Variants in C3orf22 observed in about 807,000 individuals in gnomAD.
C3orf22 encodes chromosome 3 open reading frame 22.
A neutral mutation model predicts 10.8 loss-of-function variants in C3orf22; 7 were observed. That is an observed-to-expected ratio of 0.65 (90% CI 0.37 to 1.22). The LOEUF is 1.22. Ranked by LOEUF, C3orf22 falls within the 50% of genes most tolerant of loss-of-function variation. The probability of loss-of-function intolerance (pLI) is 0.02; values close to 1 mark genes in which losing one functional copy is unlikely to be tolerated. For missense variants in C3orf22, 173 were observed against 177.0 expected (o/e 0.98, Z 0.13); for synonymous variants, 79 against 78.9 (o/e 1.00, Z 0.00).
chr3:126,533,830 A>G (rs1936708358), intron 4 of C3orf22, among the ~76,000 whole-genome samples: 1 of 152,166 alleles, frequency 6.6e-6, no homozygotes, highest in Non-Finnish European at 1.5e-5. Flanking sequence ...AAAATTTACC[A>G]GTGAAGCCAT....
chr3:126,536,365 G>A, intron 4 of C3orf22: 1 of 1,607,108 alleles, frequency 6.2e-7, no homozygotes, highest in Non-Finnish European at 8.5e-7. Context: ...TAGGTGGACA[G>A]ACCCTCGACC....
chr3:126,541,960 C>T (rs1448432219), intron 4 of C3orf22: 2 of 1,584,234 alleles, frequency 1.3e-6, no homozygotes, highest in Non-Finnish European at 1.7e-6. Context: ...GCGACCCGCG[C>T]GCCATCTCCG....
chr3:126,539,930 CGCCACACATGCCACACCT>C (rs1319961574), intron 4 of C3orf22, among the ~76,000 whole-genome samples: 13 of 147,436 alleles, frequency 8.8e-5, no homozygotes, highest in African/African-American at 3.2e-4. Flanking sequence ...ACCACACACC[CGCCACACATGCCACACCT>C]GCCACACATG....
chr3:126,542,534 C>G (rs746686745), intron 4 of C3orf22: 1 of 1,535,694 alleles, frequency 6.5e-7, no homozygotes, highest in South Asian at 1.3e-5. Flanking sequence ...GATGGACTTC[C>G]TGCTTTTCAA....
chr3:126,537,263 G>A (rs1278645817), intron 4 of C3orf22, among the ~76,000 whole-genome samples: 1 of 152,232 alleles, frequency 6.6e-6, no homozygotes, highest in Non-Finnish European at 1.5e-5. Context: ...CACAGGCAGA[G>A]GAAACAGCTG....
chr3:126,548,106 TGCCTCA>T (rs1402977745), downstream of C3orf22, among the ~76,000 whole-genome samples: 1 of 152,246 alleles, frequency 6.6e-6, no homozygotes, highest in African/African-American at 2.4e-5. Flanking sequence ...GCCATTCTCC[TGCCTCA>T]GCCTCCTGAG....
chr3:126,529,348 G>T, exon 5 of C3orf22: 3 of 1,289,318 alleles, frequency 2.3e-6, no homozygotes, highest in Non-Finnish European at 3.0e-6. Flanking sequence ...TTTCCTCATG[G>T]GTCAGTGAAA....
chr3:126,539,365 A>G (rs1029814212), intron 4 of C3orf22, among the ~76,000 whole-genome samples: 1 of 152,066 alleles, frequency 6.6e-6, no homozygotes, highest in Non-Finnish European at 1.5e-5. Context: ...CACTTAGTGT[A>G]TCTTAGACAG....
chr3:126,539,824 ATACC>A (rs1936903318), intron 4 of C3orf22, among the ~76,000 whole-genome samples: 1 of 80,600 alleles, frequency 1.2e-5, no homozygotes, highest in Non-Finnish European at 2.4e-5. Flanking sequence ...ACAAACACAC[ATACC>A]ACACACACAC....
intron 1 of C3orf22, among the ~76,000 whole-genome samples, chr3:126,556,513 G>A (rs573754141): frequency 1.3e-5 from 2 of 151,120 alleles, no homozygotes; most frequent in South Asian, 4.2e-4. Context: ...ACCTGTCCAG[G>A]GCCTGCTTGG....
intron 5 of C3orf22, chr3:126,528,003 T>C (rs1157333086): frequency 6.6e-6 from 1 of 151,318 alleles, no homozygotes; most frequent in Non-Finnish European, 1.5e-5. Context: ...GGCAGGGGCA[T>C]TTGTGTTGGG....
chr3:126,529,268 G>T, exon 5 of C3orf22: 1 of 1,241,178 alleles, frequency 8.1e-7, no homozygotes, highest in Non-Finnish European at 1.1e-6. Context: ...CATGACGTGT[G>T]CGGGTGTCCT....
intron 5 of C3orf22, among the ~76,000 whole-genome samples, chr3:126,528,952 C>T (rs11717719): frequency 0.48 from 72,322 of 152,192 alleles, 19,654 homozygotes; most frequent in East Asian, 0.63. Context: ...CCTCGGAGGC[C>T]ACGTGGGAAC....
At chr3:126,557,439 C>T (rs1192002751) in intron 1 of C3orf22, among the ~76,000 whole-genome samples, 4 of 152,216 alleles carry the variant, frequency 2.6e-5, no homozygotes, top group Non-Finnish European at 5.9e-5. Context: ...CTCCAAAAGC[C>T]GGTGGGCTCG....
At chr3:126,534,620 C>G (rs1350445024) in intron 4 of C3orf22, among the ~76,000 whole-genome samples, 1 of 151,614 alleles carries the variant, frequency 6.6e-6, no homozygotes, top group Non-Finnish European at 1.5e-5. Context: ...GACAGACACA[C>G]AGACAGCATC....
chr3:126,556,997 G>C (rs1274980139), intron 1 of C3orf22, among the ~76,000 whole-genome samples: 2 of 95,852 alleles, frequency 2.1e-5, no homozygotes, highest in African/African-American at 4.0e-5. Context: ...CAGACACATA[G>C]ACACATACAC....
chr3:126,531,298 C>T (rs1459893711), intron 4 of C3orf22, among the ~76,000 whole-genome samples: 1 of 152,230 alleles, frequency 6.6e-6, no homozygotes, highest in East Asian at 1.9e-4. Flanking sequence ...GAATGACTGC[C>T]CTAGGTCAGT....
At chr3:126,558,538 G>C (rs1201586670) in intron 1 of C3orf22, 89 bp downstream of exon 1, 1 of 152,392 alleles carries the variant, frequency 6.6e-6, no homozygotes, top group Non-Finnish European at 1.5e-5. Context: ...CCTGTCCCAG[G>C]CTCTTCTCCG....
At chr3:126,531,566 G>A (rs544548868) in intron 4 of C3orf22, among the ~76,000 whole-genome samples, 1 of 152,284 alleles carries the variant, frequency 6.6e-6, no homozygotes, top group Admixed American at 6.5e-5. Context: ...TCGTGTCTTA[G>A]CTGGCCTTTT....
Sources: allele counts gnomAD v4.1 joint callset (sites outside exome capture counted in the v4.1 genomes callset), GRCh38; gene constraint gnomAD v4.1.1; transcripts MANE v1.5; gene names NCBI Gene and HGNC (gene_info 2026-07-23, HGNC 2026-07-21).